Variants in GRID2 observed in about 807,000 individuals in gnomAD.
GRID2 encodes the protein glutamate ionotropic receptor delta type subunit 2.
In GRID2, 33 loss-of-function variants were observed where a neutral mutation model predicts 114.8. That is an observed-to-expected ratio of 0.29 (90% CI 0.22 to 0.38). GRID2 has a LOEUF of 0.38. GRID2 is among the 10% of genes least tolerant of loss of function. GRID2 has a pLI of 1.00. For missense variants in GRID2, 1,184 were observed against 1,257.7 expected (o/e 0.94, Z 0.89); for synonymous variants, 505 against 449.9 (o/e 1.12, Z -1.55).
At chr4:93,194,129 G>A (rs909878395) in intron 4 of GRID2, among the ~76,000 whole-genome samples, 1 of 152,094 alleles carries the variant, frequency 6.6e-6, no homozygotes, top group Non-Finnish European at 1.5e-5. Context: ...AAAGAGCAGT[G>A]GAATCCAATG....
intron 2 of GRID2, among the ~76,000 whole-genome samples, chr4:92,818,156 C>A (rs1031866647): frequency 6.6e-6 from 1 of 152,102 alleles, no homozygotes; most frequent in Admixed American, 6.6e-5. Context: ...CACTAAACTT[C>A]AACTGTGAAC....
At chr4:93,150,357 T>C (rs1736624809) in intron 4 of GRID2, among the ~76,000 whole-genome samples, 1 of 152,154 alleles carries the variant, frequency 6.6e-6, no homozygotes, top group South Asian at 2.1e-4. Flanking sequence ...CATTTCACAC[T>C]GTACATAAAT....
chr4:93,367,844 G>A lies in GRID2; in HGVS notation c.1246-27763G>A, dbSNP rs531103103. Among the ~76,000 whole-genome samples, 34 of 152,258 alleles carry A rather than the reference G, an allele frequency of 2.2e-4. 1 individual carries two copies. In the South Asian group the frequency reaches 5.2e-3, roughly 23 times the overall value. ...AGTGATATCTCCAGTTAAATGTCAC[G>A]ATTGTGAGTGTTGGATTGAATTATT... On this transcript the variant is annotated intron_variant, in intron 8 of 15. Coordinates refer to ENST00000282020, the MANE Select transcript of GRID2 (RefSeq NM_001510.4).
At chr4:93,085,545 C>T (rs531115435) in intron 3 of GRID2, among the ~76,000 whole-genome samples, 3 of 152,130 alleles carry the variant, frequency 2.0e-5, no homozygotes, top group Admixed American at 6.6e-5. Context: ...AATCTGATTC[C>T]AATACATCTT....
At chr4:93,555,608 A>G (rs1734237824) in intron 13 of GRID2, among the ~76,000 whole-genome samples, 1 of 152,194 alleles carries the variant, frequency 6.6e-6, no homozygotes, top group African/African-American at 2.4e-5. Context: ...AACCCCAGTC[A>G]GGGGCTTATA....
At chr4:93,645,425 T>A (rs1168016045) in intron 14 of GRID2, among the ~76,000 whole-genome samples, 1 of 152,148 alleles carries the variant, frequency 6.6e-6, no homozygotes, top group Non-Finnish European at 1.5e-5. Context: ...AGAGAGAGGC[T>A]GGAGCGATGG....
At chr4:93,586,040 C>T (rs2217829) in intron 13 of GRID2, among the ~76,000 whole-genome samples, 1 of 152,080 alleles carries the variant, frequency 6.6e-6, no homozygotes, top group Non-Finnish European at 1.5e-5. Context: ...ACAGCCAAAC[C>T]TATGGCTCCA....
chr4:92,820,883 T>C (rs1161938928), intron 2 of GRID2, among the ~76,000 whole-genome samples: 2 of 152,076 alleles, frequency 1.3e-5, no homozygotes, highest in African/African-American at 4.8e-5. Flanking sequence ...CTGTATAATA[T>C]CAAATTAGAT....
At chr4:92,534,178 C>T (rs915399423) in intron 1 of GRID2, among the ~76,000 whole-genome samples, 4 of 151,962 alleles carry the variant, frequency 2.6e-5, no homozygotes, top group African/African-American at 9.7e-5. Flanking sequence ...AATCAAGGAT[C>T]CAGCGTTTGA....
intron 14 of GRID2, among the ~76,000 whole-genome samples, chr4:93,740,033 T>C (rs1287904639): frequency 6.6e-6 from 1 of 152,198 alleles, no homozygotes; most frequent in Non-Finnish European, 1.5e-5. Flanking sequence ...CATGACATAA[T>C]GACATTTCAG....
At chr4:92,426,725 AT>A (rs1473817075) in intron 1 of GRID2, among the ~76,000 whole-genome samples, 1 of 152,162 alleles carries the variant, frequency 6.6e-6, no homozygotes, top group African/African-American at 2.4e-5. Context: ...AAATTATCAC[AT>A]ACATTTTTTT....
At chr4:93,046,795 G>A (rs775465200) in intron 2 of GRID2, among the ~76,000 whole-genome samples, 2 of 151,776 alleles carry the variant, frequency 1.3e-5, no homozygotes, top group Non-Finnish European at 1.5e-5. Flanking sequence ...TTGTATGGAA[G>A]CTATTAAAAT....
intron 14 of GRID2, among the ~76,000 whole-genome samples, chr4:93,634,233 CA>C (rs1453469474): frequency 2.0e-5 from 3 of 151,930 alleles, no homozygotes; most frequent in Admixed American, 6.6e-5. Flanking sequence ...TAGACTTGAG[CA>C]GGGAGAATTC....
At chr4:92,688,859 A>C (rs939440961) in intron 2 of GRID2, among the ~76,000 whole-genome samples, 6 of 152,204 alleles carry the variant, frequency 3.9e-5, no homozygotes, top group African/African-American at 1.4e-4. Flanking sequence ...GCCAAGGTCT[A>C]TCAAAGAAAT....
intron 2 of GRID2, among the ~76,000 whole-genome samples, chr4:92,997,245 T>G (rs2149212119): frequency 6.6e-6 from 1 of 152,248 alleles, no homozygotes; most frequent in East Asian, 1.9e-4. Flanking sequence ...GGAAGCATTA[T>G]CCTTGAGTGA....
At chr4:92,892,380 G>T (rs994369899) in intron 2 of GRID2, among the ~76,000 whole-genome samples, 1 of 151,764 alleles carries the variant, frequency 6.6e-6, no homozygotes, top group African/African-American at 2.4e-5. Flanking sequence ...TGTTCTGAGA[G>T]ATATATTTTC....
chr4:92,415,718 GT>G (rs1731565138), intron 1 of GRID2, among the ~76,000 whole-genome samples: 1 of 110,054 alleles, frequency 9.1e-6, no homozygotes, highest in South Asian at 3.4e-4. Context: ...GTATGTGTGT[GT>G]GTGTGTGTGT....
At chr4:93,222,700 G>A (rs1433685564) in intron 6 of GRID2, among the ~76,000 whole-genome samples, 1 of 151,914 alleles carries the variant, frequency 6.6e-6, no homozygotes, top group African/African-American at 2.4e-5. Context: ...CCACCTATGA[G>A]TGAGAACATG....
chr4:93,217,099 A>G, intron 6 of GRID2, 188 bp downstream of exon 6: 2 of 421,196 alleles, frequency 4.7e-6, no homozygotes. Context: ...TGATCTCATT[A>G]TAGAAAAATT....
Sources: allele counts gnomAD v4.1 joint callset (sites outside exome capture counted in the v4.1 genomes callset), GRCh38; gene constraint gnomAD v4.1.1; transcripts MANE v1.5; gene names NCBI Gene and HGNC (gene_info 2026-07-23, HGNC 2026-07-21).